The following WDR27 variants were observed in gnomAD, a reference collection of about 807,000 sequenced individuals.
WDR27 encodes WD repeat domain 27.
Under a neutral mutation model 114.4 loss-of-function variants are expected in WDR27, and 100 were observed. That is an observed-to-expected ratio of 0.87 (90% confidence interval 0.74 to 1.03). The LOEUF (loss-of-function observed/expected upper bound fraction) is 1.03, where lower values mean the gene tolerates loss of function less well. Among genes scored for constraint, WDR27 ranks in the 50% least tolerant of loss-of-function variants. The probability of loss-of-function intolerance (pLI) is 0.00; values close to 1 mark genes in which losing one functional copy is unlikely to be tolerated. For synonymous variants in WDR27, 449 were observed against 423.1 expected, an observed-to-expected ratio of 1.06 and a Z score of -0.75; for missense variants, 1,129 against 1,092.9, an observed-to-expected ratio of 1.03 and a Z score of -0.47.
chr6:169,606,296 G>T (rs1729803425), intron 22 of WDR27, among the ~76,000 whole-genome samples: 1 of 152,082 alleles, frequency 6.6e-6, no homozygotes, highest in African/African-American at 2.4e-5. Flanking sequence ...GTGGGCAAAG[G>T]ACATGAATAG....
At chr6:169,653,453 G>T (rs1823157066) in intron 13 of WDR27, among the ~76,000 whole-genome samples, 1 of 152,068 alleles carries the variant, frequency 6.6e-6, no homozygotes, top group South Asian at 2.1e-4. Context: ...AAAAGTAAAT[G>T]AACAGAAAAT....
At chr6:169,639,041 T>TGCTG (rs1204078625) in intron 17 of WDR27, among the ~76,000 whole-genome samples, 2 of 151,482 alleles carry the variant, frequency 1.3e-5, no homozygotes, top group Non-Finnish European at 2.9e-5. Flanking sequence ...TACTGCGTGG[T>TGCTG]GCTGGGTACT....
chr6:169,633,938 C>T, intron 20 of WDR27, among the ~76,000 whole-genome samples: 1 of 152,182 alleles, frequency 6.6e-6, no homozygotes, highest in East Asian at 1.9e-4. Context: ...TAAATTAAAA[C>T]TTTATACAAT....
At chr6:169,507,379 C>T (rs1247404859) in intron 25 of WDR27, among the ~76,000 whole-genome samples, 3 of 152,206 alleles carry the variant, frequency 2.0e-5, no homozygotes, top group African/African-American at 7.2e-5. Flanking sequence ...GTTCTGGGCA[C>T]ACGGCTGGGC....
At chr6:169,529,193 A>G (rs909691348) in intron 25 of WDR27, among the ~76,000 whole-genome samples, 3 of 151,872 alleles carry the variant, frequency 2.0e-5, no homozygotes, top group Non-Finnish European at 4.4e-5. Flanking sequence ...CAGTATTTGC[A>G]CTAGAATCTC....
chr6:169,658,377 C>A lies in WDR27; in HGVS notation c.1320-19G>T. 1 of 1,579,690 alleles carries A rather than the reference C, an allele frequency of 6.3e-7. No homozygotes were observed. The highest frequency in any genetic ancestry group is 8.6e-7 in the Non-Finnish European group (1 of 1,161,768). ...ACAGGAGCTGAAACAGAAACAAGCC[C>A]CATGAAACTAGGAGCGCAAACGACG... On this transcript the variant is annotated intron_variant, in intron 12 of 25. Coordinates refer to ENST00000448612, the MANE Select transcript of WDR27 (RefSeq NM_182552.5).
chr6:169,429,437 T>TC, the WDR27 span, among the ~76,000 whole-genome samples: 1 of 151,976 alleles, frequency 6.6e-6, no homozygotes, highest in Middle Eastern at 3.4e-3. Context: ...GTCCTTTTTT[T>TC]TTTTTTTTCC....
intron 21 of WDR27, among the ~76,000 whole-genome samples, chr6:169,615,116 G>A (rs916685032): frequency 6.6e-6 from 1 of 151,862 alleles, no homozygotes; most frequent in East Asian, 1.9e-4. Context: ...GGAAGAGAAA[G>A]CACAAAATGA....
chr6:169,580,411 C>G (rs1803174161), intron 24 of WDR27, among the ~76,000 whole-genome samples: 1 of 152,230 alleles, frequency 6.6e-6, no homozygotes, highest in Non-Finnish European at 1.5e-5. Flanking sequence ...ATTTTTCTTG[C>G]ATACATGCTC....
intron 25 of WDR27, among the ~76,000 whole-genome samples, chr6:169,545,899 G>A (rs1377602043): frequency 6.6e-6 from 1 of 151,134 alleles, no homozygotes; most frequent in African/African-American, 2.4e-5. Context: ...AACTCAACAG[G>A]AAAACAACAA....
intron 19 of WDR27, 65 bp from the exon 20 acceptor site, chr6:169,634,590 C>A: frequency 1.0e-6 from 1 of 992,112 alleles, no homozygotes; most frequent in South Asian, 1.5e-5. Context: ...AACACCTTAT[C>A]TTTAAAAACA....
intron 23 of WDR27, among the ~76,000 whole-genome samples, chr6:169,592,985 T>C (rs1172096647): frequency 6.6e-6 from 1 of 152,244 alleles, no homozygotes; most frequent in Non-Finnish European, 1.5e-5. Flanking sequence ...TAGTGAATCA[T>C]GCTTGCATTC....
chr6:169,676,626 G>C (rs1457875527), intron 2 of WDR27, among the ~76,000 whole-genome samples: 2 of 152,090 alleles, frequency 1.3e-5, no homozygotes, highest in Middle Eastern at 3.2e-3. Flanking sequence ...CTGCCACCTG[G>C]AGGCTTCTTA....
chr6:169,584,635 T>C (rs1219948027), intron 23 of WDR27, among the ~76,000 whole-genome samples: 7 of 152,332 alleles, frequency 4.6e-5, no homozygotes, highest in African/African-American at 1.7e-4. Flanking sequence ...TGGTTTCAAT[T>C]TGCATTTCCC....
chr6:169,521,909 A>G (rs986818601), intron 25 of WDR27, among the ~76,000 whole-genome samples: 3 of 152,052 alleles, frequency 2.0e-5, no homozygotes, highest in Non-Finnish European at 4.4e-5. Context: ...CAAAACAACC[A>G]GAAAACAAGC....
At chr6:169,566,739 T>A (rs1333839639) in intron 25 of WDR27, among the ~76,000 whole-genome samples, 2 of 152,020 alleles carry the variant, frequency 1.3e-5, no homozygotes, top group Non-Finnish European at 2.9e-5. Flanking sequence ...TAGAAACGCT[T>A]TCTAAAAAGG....
At chr6:169,552,972 CGGTGTGTGTGTGTGTG>C (rs1416084986) in intron 25 of WDR27, among the ~76,000 whole-genome samples, 1 of 75,134 alleles carries the variant, frequency 1.3e-5, no homozygotes, top group Admixed American at 1.3e-4. Flanking sequence ...AGGGCCTGCC[CGGTGTGTGTGTGTGTG>C]TGTGTGTGTG....
chr6:169,477,566 G>A (rs998306071), intron 25 of WDR27, among the ~76,000 whole-genome samples: 7 of 152,166 alleles, frequency 4.6e-5, no homozygotes, highest in South Asian at 2.1e-4. Context: ...AGCCTCCCAA[G>A]TAGTTGGGAC....
intron 25 of WDR27, among the ~76,000 whole-genome samples, chr6:169,504,943 T>C (rs796789447): frequency 9.2e-5 from 14 of 152,330 alleles, no homozygotes; most frequent in African/African-American, 3.4e-4. Context: ...GGAAAATCTA[T>C]TGTAGACAAT....
Sources: allele counts gnomAD v4.1 joint callset (sites outside exome capture counted in the v4.1 genomes callset), GRCh38; gene constraint gnomAD v4.1.1; transcripts MANE v1.5; gene names NCBI Gene and HGNC (gene_info 2026-07-23, HGNC 2026-07-21).